The following KDM7A variants were observed in gnomAD, a reference collection of about 807,000 sequenced individuals.
KDM7A encodes lysine-specific demethylase 7A.
In KDM7A, 28 loss-of-function variants were observed where a neutral mutation model predicts 114.8. That is an observed-to-expected ratio of 0.24 (90% CI 0.18 to 0.33). KDM7A has a LOEUF of 0.33. KDM7A is among the 10% of genes least tolerant of loss of function. The pLI is 1.00. For synonymous variants in KDM7A, 423 were observed against 397.8 expected, an observed-to-expected ratio of 1.06 and a Z score of -0.75; for missense variants, 942 against 1,142.5, an observed-to-expected ratio of 0.82 and a Z score of 2.53.
Position 140,088,090 on chromosome 7 carries a change from A to G in KDM7A, c.*3004T>C, listed in dbSNP as rs1192974429. On this transcript the variant is annotated 3_prime_UTR_variant, in exon 20 of 20. Transcript: ENST00000397560. ...AATAATTAGGATTATTTAAAAATAG[A>G]AAAGTATTCAAGCTAAGTAATTAGT... is the stretch of plus-strand genomic sequence containing the variant. 6.4e-6 allele frequency: 1 copy of G among 156,088 alleles called. No homozygotes were observed. The highest frequency in any genetic ancestry group is 1.8e-4 in the East Asian group (1 of 5,408). 9.7% of individuals were successfully genotyped at this position (156,088 alleles called of 1,614,324 possible).
chr7:140,094,164 A>C, intron 17 of KDM7A, 26 bp from the exon 18 acceptor site: 1 of 1,343,058 alleles, frequency 7.4e-7, no homozygotes, highest in Non-Finnish European at 1.1e-6. Flanking sequence ...AGTTTAATTA[A>C]CTTTGCACAA....
chr7:140,126,536 T>G, intron 6 of KDM7A, 101 bp downstream of exon 6: 1 of 579,300 alleles, frequency 1.7e-6, no homozygotes, highest in Non-Finnish European at 2.7e-6. Context: ...AAAAAAAACT[T>G]CCCCCTTTAC....
chr7:140,105,651 G>A (rs1818324299), intron 11 of KDM7A, among the ~76,000 whole-genome samples: 1 of 152,208 alleles, frequency 6.6e-6, no homozygotes, highest in South Asian at 2.1e-4. Flanking sequence ...CTTGATCGTG[G>A]TGGATAAGCT....
intron 11 of KDM7A, among the ~76,000 whole-genome samples, chr7:140,107,918 G>A (rs189612536): frequency 2.8e-4 from 43 of 152,266 alleles, no homozygotes; most frequent in African/African-American, 8.4e-4. Flanking sequence ...CCTATCAGAC[G>A]TACATTTGGT....
At chr7:140,100,093 G>T in intron 12 of KDM7A, 70 bp from the exon 13 acceptor site, 1 of 1,514,274 alleles carries the variant, frequency 6.6e-7, no homozygotes, top group Non-Finnish European at 9.1e-7. Context: ...ATGGAATACA[G>T]TATACCACCA....
chr7:140,103,498 T>G (rs1409604814), intron 11 of KDM7A, among the ~76,000 whole-genome samples: 1 of 151,674 alleles, frequency 6.6e-6, no homozygotes, highest in African/African-American at 2.4e-5. Context: ...TGTGTGATGT[T>G]CCCCACCCTG....
chr7:140,116,995 G>C (rs975093053), intron 9 of KDM7A, among the ~76,000 whole-genome samples: 11 of 152,158 alleles, frequency 7.2e-5, no homozygotes, highest in Non-Finnish European at 1.3e-4. Flanking sequence ...ACAATGTAAA[G>C]TAAAAAGGTT....
chr7:140,139,041 C>G (rs916189846), intron 2 of KDM7A, 64 bp downstream of exon 2: 2 of 990,256 alleles, frequency 2.0e-6, no homozygotes, highest in Non-Finnish European at 3.2e-6. Context: ...TTACCATGTA[C>G]ATGTAAGTTT....
In KDM7A at chr7:140,095,091, G is replaced by A. The variant is rs187843134; in HGVS notation, c.2375-953C>T. 9.5e-3 allele frequency among the ~76,000 whole-genome samples: 1,447 copies of A among 152,208 alleles called. 21 individuals are homozygous for A. Among genetic ancestry groups the A allele is most frequent in the African/African-American group, 0.034 (1,402 of 41,510 alleles). On this transcript the variant is annotated intron_variant, in intron 17 of 19. Transcript: ENST00000397560. ...TTGAACTTCCAACCTCAGGTGATCCGCCCACCTCGGCCTCCCAAAGTGCTG... is the reference window on the plus strand; with the variant it reads ...TTGAACTTCCAACCTCAGGTGATCCACCCACCTCGGCCTCCCAAAGTGCTG...
rs1384584202 is a variant in KDM7A, at chr7:140,090,786, C to G, written c.*308G>C. 1 of 315,926 alleles carries G rather than the reference C, an allele frequency of 3.2e-6. No homozygotes were observed. Among genetic ancestry groups the G allele is most frequent in the African/African-American group, 2.1e-5 (1 of 46,936 alleles). 19.6% of individuals were successfully genotyped at this position (315,926 alleles called of 1,614,324 possible). ...AAATTATTGATAATTCTTTACCCTA[C>G]CACTGAAAATACATCAAGACACTAC... On this transcript the variant is annotated 3_prime_UTR_variant, in exon 20 of 20. Transcript: ENST00000397560.
intron 12 of KDM7A, among the ~76,000 whole-genome samples, chr7:140,100,686 A>ATATATATATATATATGTG (rs1562945946): frequency 1.2e-4 from 4 of 33,582 alleles, no homozygotes; most frequent in African/African-American, 5.9e-4. Context: ...ATATACATAT[A>ATATATATATATATATGTG]TACATATATA....
intron 12 of KDM7A, among the ~76,000 whole-genome samples, chr7:140,100,715 T>TATATATATATATATATACACAC (rs1818202342): frequency 4.1e-5 from 2 of 49,074 alleles, no homozygotes; most frequent in Non-Finnish European, 8.8e-5. Context: ...TATACACATA[T>TATATATATATATATATACACAC]ATATATATAT....
intron 6 of KDM7A, among the ~76,000 whole-genome samples, chr7:140,125,284 C>A (rs1205527589): frequency 6.6e-6 from 1 of 152,166 alleles, no homozygotes; most frequent in Non-Finnish European, 1.5e-5. Flanking sequence ...TGCTGAGGCA[C>A]AAGCATTTGA....
At chr7:140,096,002 T>C (rs1351717854) in intron 17 of KDM7A, among the ~76,000 whole-genome samples, 3 of 152,190 alleles carry the variant, frequency 2.0e-5, no homozygotes, top group South Asian at 2.1e-4. Context: ...AATTTTAATA[T>C]AGTACTATCT....
rs974680229 is a variant in KDM7A at position 140,088,225 on chromosome 7, C to T, written c.*2869G>A. 2 of 315,482 alleles carry T rather than the reference C, an allele frequency of 6.3e-6. No individual in the cohort carries two copies. The highest frequency in any genetic ancestry group is 1.1e-5 in the Non-Finnish European group (2 of 174,042). The allele number at this position is 315,482 out of a possible 1,614,324, so 19.5% of individuals were successfully genotyped here. A position where few individuals can be genotyped will look rare whatever the true frequency, so the allele number is the denominator to read the frequency against. On this transcript the variant is annotated 3_prime_UTR_variant, in exon 20 of 20. Coordinates refer to ENST00000397560, the MANE Select transcript of KDM7A (RefSeq NM_030647.2). ...TGAAGTTCAATGTATTTCTAGGATA[C>T]TGAACTACTACAAACTGCCAACTTT... is the stretch of plus-strand genomic sequence containing the variant.
At chr7:140,168,796 G>A (rs1432097882) in intron 1 of KDM7A, among the ~76,000 whole-genome samples, 1 of 152,150 alleles carries the variant, frequency 6.6e-6, no homozygotes, top group Non-Finnish European at 1.5e-5. Flanking sequence ...AAAAATATAG[G>A]TTAGCAAATT....
At chr7:140,111,882 T>C (rs1585144827) in intron 10 of KDM7A, among the ~76,000 whole-genome samples, 2 of 151,622 alleles carry the variant, frequency 1.3e-5, no homozygotes, top group African/African-American at 4.9e-5. Flanking sequence ...GAAGTGGAGG[T>C]TGCAGTGAGC....
chr7:140,157,808 A>C (rs1323906023), intron 1 of KDM7A, among the ~76,000 whole-genome samples: 1 of 144,210 alleles, frequency 6.9e-6, no homozygotes, highest in Non-Finnish European at 1.5e-5. Flanking sequence ...CTAAAAATAC[A>C]AAAAAAAAAA....
intron 9 of KDM7A, among the ~76,000 whole-genome samples, chr7:140,115,931 C>T (rs1818522708): frequency 6.8e-6 from 1 of 147,492 alleles, no homozygotes; most frequent in Non-Finnish European, 1.5e-5. Flanking sequence ...AAAAAAACTA[C>T]CCGATTCTAT....
Sources: gnomAD v4.1 joint callset for allele counts (sites outside exome capture counted in the v4.1 genomes callset) on GRCh38, gnomAD v4.1.1 for gene constraint, MANE v1.5 for transcripts, NCBI Gene and HGNC (gene_info 2026-07-23, HGNC 2026-07-21) for gene names.